Variants in GID8 observed in about 807,000 individuals in gnomAD.
The protein encoded by GID8 is GID complex subunit 8 homolog, also known as glucose-induced degradation protein 8 homolog.
Under a neutral mutation model 27.4 loss-of-function variants are expected in GID8, and 6 were observed. That is an observed-to-expected ratio of 0.22 (90% CI 0.12 to 0.43). The LOEUF (loss-of-function observed/expected upper bound fraction) is 0.43, where lower values mean the gene tolerates loss of function less well. Among genes scored for constraint, GID8 ranks in the 20% least tolerant of loss-of-function variants. The pLI is 1.00. For synonymous variants in GID8, 112 were observed against 109.0 expected (o/e 1.03, Z -0.17); for missense variants, 173 against 287.6 (o/e 0.60, Z 2.88).
rs1323386338 is a variant in GID8, at chr20:62,948,446, AC to A, written c.*3535del. 1.3e-5 allele frequency: 2 copies of A among 152,162 alleles called. No individual in the cohort carries two copies. The highest frequency in any genetic ancestry group is 4.8e-5 in the African/African-American group (2 of 41,402). 9.4% of individuals were successfully genotyped at this position (152,162 alleles called of 1,614,324 possible). A position where few individuals can be genotyped will look rare whatever the true frequency, so the allele number is the denominator to read the frequency against. ...GCTTCTACCACCTGTTCTTAATGTA[AC>A]AGTAAAAGTTTTCACATTTTTCTCA... On this transcript the variant is annotated 3_prime_UTR_variant, in exon 5 of 5. Transcript: ENST00000266069.
rs1447123442 is a variant in GID8, at chr20:62,943,533, A to G, written c.354A>G (p.Thr118=). ...TCGAGCTGATCCGCCAGCGGGAGACAGAGGCGGCGCTGGAGTTTGCACAGA... is the reference window on the plus strand; with the variant it reads ...TCGAGCTGATCCGCCAGCGGGAGACGGAGGCGGCGCTGGAGTTTGCACAGA... The part of the protein sequence containing the change: ...HLIELIRQRE[T]EAALEFAQTQ... The change falls in exon 4 of 5, where the codon ACA becomes ACG. Residue 118 remains threonine (T), a synonymous_variant. Coordinates refer to ENST00000266069, the MANE Select transcript of GID8 (RefSeq NM_017896.3). The surrounding 1 kb of genome is among the most constrained non-coding windows in gnomAD (Gnocchi z 4.7). The G allele has an allele frequency of 1.2e-6, 2 of 1,612,772 alleles. No homozygotes were observed. The highest frequency in any genetic ancestry group is 8.5e-7 in the Non-Finnish European group (1 of 1,180,000).
Position 62,945,753 on chromosome 20 carries a change from A to G in GID8, c.*841A>G. The G allele has an allele frequency of 8.1e-7, 1 of 1,234,400 alleles. No homozygotes were observed. The highest frequency in any genetic ancestry group is 1.0e-6 in the Non-Finnish European group (1 of 955,860). The allele number at this position is 1,234,400 out of a possible 1,614,324, so 76.5% of individuals were successfully genotyped here. A position where few individuals can be genotyped will look rare whatever the true frequency, so the allele number is the denominator to read the frequency against. On this transcript the variant is annotated 3_prime_UTR_variant, in exon 5 of 5. Coordinates refer to ENST00000266069, the MANE Select transcript of GID8 (RefSeq NM_017896.3). Reference sequence around the variant, plus strand: ...TCTGGTACCTGCAGCTGGAAAGGCCACTTGGCCCTGTGCTGAGTGAGCGGC... The same window carrying G: ...TCTGGTACCTGCAGCTGGAAAGGCCGCTTGGCCCTGTGCTGAGTGAGCGGC...
chr20:62,939,797 C>G (rs553852163), intron 1 of GID8, among the ~76,000 whole-genome samples: 4 of 152,208 alleles, frequency 2.6e-5, no homozygotes, highest in African/African-American at 4.8e-5. Flanking sequence ...CTGCATTCAT[C>G]CCATTTTCAG....
intron 2 of GID8, among the ~76,000 whole-genome samples, chr20:62,942,410 C>T (rs1341511290): frequency 6.6e-6 from 1 of 152,162 alleles, no homozygotes; most frequent in Non-Finnish European, 1.5e-5. Context: ...CAAGATTGTG[C>T]CACTGCACTC....
chr20:62,944,678 A>G (rs2065457822), intron 4 of GID8, 61 bp from the exon 5 acceptor site: 6 of 1,181,460 alleles, frequency 5.1e-6, no homozygotes, highest in Non-Finnish European at 5.0e-6. Context: ...GCCTCTTTTT[A>G]ATAGACTCTG....
rs982200930 is a variant in GID8 at position 62,945,104 on chromosome 20, G to A, written c.*192G>A. On this transcript the variant is annotated 3_prime_UTR_variant, in exon 5 of 5. Transcript: ENST00000266069. ...TGGAAAACTTGCAAGGAAAGCTGCC[G>A]TCTCTTTGGCAGTCTGATGCAGAGC... 2.7e-5 allele frequency: 38 copies of A among 1,398,640 alleles called. No individual in the cohort carries two copies. Among genetic ancestry groups the A allele is most frequent in the Non-Finnish European group, 3.3e-5 (36 of 1,078,336 alleles). The allele number at this position is 1,398,640 out of a possible 1,614,324, so 86.6% of individuals were successfully genotyped here.
Position 62,943,316 on chromosome 20 carries a change from G to A in GID8, c.315+133G>A, listed in dbSNP as rs2065451883. On this transcript the variant is annotated intron_variant, in intron 3 of 4. Transcript: ENST00000266069. The surrounding 1 kb of genome is among the most constrained non-coding windows in gnomAD (Gnocchi z 4.7). ...ATGCATGTGAGGGGGAGAGGTTTGA[G>A]TTTGCTCTTTTATGTAGTTCAGAAG... The A allele has an allele frequency of 2.1e-6, 2 of 933,392 alleles. No homozygotes were observed. The highest frequency in any genetic ancestry group is 3.3e-6 in the Non-Finnish European group (2 of 614,448). The allele number at this position is 933,392 out of a possible 1,614,324, so 57.8% of individuals were successfully genotyped here. A position where few individuals can be genotyped will look rare whatever the true frequency, so the allele number is the denominator to read the frequency against.
chr20:62,939,819 A>G (rs907297526), intron 1 of GID8, among the ~76,000 whole-genome samples: 2 of 152,180 alleles, frequency 1.3e-5, no homozygotes, highest in African/African-American at 4.8e-5. Flanking sequence ...CAAGAGACCA[A>G]AGTTTTTTAA....
In GID8 at chr20:62,941,149, C is replaced by T. The variant is rs372419619; in HGVS notation, c.-12-342C>T. Among the ~76,000 whole-genome samples the T allele has an allele frequency of 6.6e-5, 10 of 152,316 alleles. 1 individual carries two copies. Among genetic ancestry groups the T allele is most frequent in the East Asian group, 3.9e-4 (2 of 5,194 alleles). ...CTTTGAACGGTGCTTCTGTGAACAG[C>T]GTTGTCTGTGTTTGGTGCATCCTGG... On this transcript the variant is annotated intron_variant, in intron 1 of 4. Transcript: ENST00000266069.
In GID8 at chr20:62,943,825, T is replaced by G; in HGVS notation, c.513+133T>G. The G allele has an allele frequency of 4.7e-6, 3 of 632,052 alleles. No homozygotes were observed. The highest frequency in any genetic ancestry group is 2.0e-5 in the South Asian group (1 of 50,948). The allele number at this position is 632,052 out of a possible 1,614,324, so 39.2% of individuals were successfully genotyped here. A position where few individuals can be genotyped will look rare whatever the true frequency, so the allele number is the denominator to read the frequency against. On this transcript the variant is annotated intron_variant, in intron 4 of 4. Transcript: ENST00000266069. The surrounding 1 kb of genome is among the most constrained non-coding windows in gnomAD (Gnocchi z 4.7). ...CTTCTGTGCCTGGGATGCTAAGTGG[T>G]TCCTTCATGGCTTTTTTTTTTTTTT... is the stretch of plus-strand genomic sequence containing the variant.
At chr20:62,944,682 G>A in intron 4 of GID8, 57 bp from the exon 5 acceptor site, 2 of 1,202,270 alleles carry the variant, frequency 1.7e-6, no homozygotes, top group Non-Finnish European at 2.5e-6. Context: ...CTTTTTAATA[G>A]ACTCTGCTGG....
chr20:62,940,507 G>A (rs2065438505), intron 1 of GID8, among the ~76,000 whole-genome samples: 2 of 152,260 alleles, frequency 1.3e-5, no homozygotes, highest in East Asian at 3.9e-4. Flanking sequence ...CCGCCACCGA[G>A]CACGGCTAAT....
In GID8 at chr20:62,941,635, T is replaced by C. The variant is rs1308236699; in HGVS notation, c.118+15T>C. 3.0e-6 allele frequency: 4 copies of C among 1,328,472 alleles called. No individual in the cohort carries two copies. Among genetic ancestry groups the C allele is most frequent in the Non-Finnish European group, 4.4e-6 (4 of 919,086 alleles). The allele number at this position is 1,328,472 out of a possible 1,614,324, so 82.3% of individuals were successfully genotyped here. On this transcript the variant is annotated intron_variant, in intron 2 of 4. Transcript: ENST00000266069. ...CCTGGTCACAGGTAATGGCTTACAGTGAGGATGCTGTTGCATGAATGTGAT... is the reference window on the plus strand; with the variant it reads ...CCTGGTCACAGGTAATGGCTTACAGCGAGGATGCTGTTGCATGAATGTGAT...
Position 62,943,427 on chromosome 20 carries a change from T to C in GID8, c.316-68T>C, listed in dbSNP as rs1252609617. On this transcript the variant is annotated intron_variant, in intron 3 of 4. Transcript: ENST00000266069. The surrounding 1 kb of genome is among the most constrained non-coding windows in gnomAD (Gnocchi z 4.7). The stretch of plus-strand genomic sequence containing the variant: ...CTGTGATGTACTTTTGATTGGGACC[T>C]GGTACCACCTGCCCTAAGTCCCTGG... 11 of 1,395,616 alleles carry C rather than the reference T, an allele frequency of 7.9e-6. No homozygotes were observed. The highest frequency in any genetic ancestry group is 1.1e-5 in the Non-Finnish European group (11 of 988,022). 86.5% of individuals were successfully genotyped at this position (1,395,616 alleles called of 1,614,324 possible).
intron 1 of GID8, among the ~76,000 whole-genome samples, chr20:62,939,222 C>G (rs1256062497): frequency 6.6e-6 from 1 of 152,104 alleles, no homozygotes; most frequent in African/African-American, 2.4e-5. Context: ...GATGGGTGTT[C>G]GTGTGTGACA....
chr20:62,943,377 C>A lies in GID8; in HGVS notation c.316-118C>A. The A allele has an allele frequency of 1.9e-6, 2 of 1,069,440 alleles. No homozygotes were observed. The highest frequency in any genetic ancestry group is 2.8e-6 in the Non-Finnish European group (2 of 724,500). 66.2% of individuals were successfully genotyped at this position (1,069,440 alleles called of 1,614,324 possible). A position where few individuals can be genotyped will look rare whatever the true frequency, so the allele number is the denominator to read the frequency against. On this transcript the variant is annotated intron_variant, in intron 3 of 4. Coordinates refer to ENST00000266069, the MANE Select transcript of GID8 (RefSeq NM_017896.3). The surrounding 1 kb of genome is among the most constrained non-coding windows in gnomAD (Gnocchi z 4.7). ...TTTTAAAAATGCAAATTTGATAACT[C>A]AGAGATGCAAGAAAAGTCTTCCCTC...
intron 1 of GID8, among the ~76,000 whole-genome samples, chr20:62,939,040 C>T (rs2065424054): frequency 6.6e-6 from 1 of 152,056 alleles, no homozygotes; most frequent in African/African-American, 2.4e-5. Context: ...ATCGCTTGAG[C>T]CCAGGAGGTC....
At chr20:62,938,879 G>A (rs2065422545) in intron 1 of GID8, 1 of 152,238 alleles carries the variant, frequency 6.6e-6, no homozygotes. Context: ...CGCGGTGGCG[G>A]AGGTCGAAGT....
chr20:62,946,809 G>C lies in GID8; in HGVS notation c.*1897G>C, dbSNP rs903674081. The C allele has an allele frequency of 6.6e-6, 1 of 152,152 alleles. No individual in the cohort carries two copies. Among genetic ancestry groups the C allele is most frequent in the Non-Finnish European group, 1.5e-5 (1 of 68,026 alleles). 9.4% of individuals were successfully genotyped at this position (152,152 alleles called of 1,614,324 possible). ...AATATAGCAGAAGCTAGAAGAAAGC[G>C]GTGAGGTGAGAGAGATGCATCTGCA... On this transcript the variant is annotated 3_prime_UTR_variant, in exon 5 of 5. Coordinates refer to ENST00000266069, the MANE Select transcript of GID8 (RefSeq NM_017896.3).
Sources: gnomAD v4.1 joint callset for allele counts (sites outside exome capture counted in the v4.1 genomes callset) on GRCh38, gnomAD v4.1.1 for gene constraint, Gnocchi (gnomAD v3.1) non-coding constraint, MANE v1.5 for transcripts, NCBI Gene and HGNC (gene_info 2026-07-23, HGNC 2026-07-21) for gene names.